The following MTOR variants were observed in gnomAD, a reference collection of about 807,000 sequenced individuals.
The protein encoded by MTOR is mechanistic target of rapamycin kinase.
In MTOR, 70 loss-of-function variants were observed where a neutral mutation model predicts 319.8. The observed-to-expected ratio is 0.22, with a 90% CI of 0.18 to 0.27. The LOEUF (loss-of-function observed/expected upper bound fraction) is 0.27, where lower values mean the gene tolerates loss of function less well. Among genes scored for constraint, MTOR ranks in the 10% least tolerant of loss-of-function variants. MTOR has a pLI of 1.00. For synonymous variants in MTOR, 1,183 were observed against 1,211.4 expected (o/e 0.98, Z 0.49); for missense variants, 1,890 against 3,274.4 (o/e 0.58, Z 10.32).
chr1:11,132,746 C>G (rs1557759018), intron 38 of MTOR: 1 of 219,908 alleles, frequency 4.5e-6, no homozygotes, highest in Non-Finnish European at 9.0e-6. Flanking sequence ...AACAGATGAC[C>G]TAAGGGAAGA....
chr1:11,194,139 T>C (rs183811803), intron 28 of MTOR, among the ~76,000 whole-genome samples: 229 of 152,254 alleles, frequency 1.5e-3, no homozygotes, highest in Non-Finnish European at 2.6e-3. Flanking sequence ...CTGAAAGCAC[T>C]CACTATATCC....
chr1:11,257,566 G>GA lies in MTOR; in HGVS notation c.272-402dup, dbSNP rs70977557. On this transcript the variant is annotated intron_variant, in intron 3 of 57. Transcript: ENST00000361445. ...CGACAGAGTGAGACTCTGTCTCAGA[G>GA]AAAAAAAAAAAAAAAAAAAAAAAAA... Among the ~76,000 whole-genome samples, 100 of 64,832 alleles carry GA rather than the reference G, an allele frequency of 1.5e-3. 1 individual carries two copies. Among genetic ancestry groups the GA allele is most frequent in the African/African-American group, 3.6e-3 (62 of 17,232 alleles). 42.5% of individuals were successfully genotyped at this position (64,832 alleles called of 152,430 possible).
At chr1:11,171,023 C>T (rs1431332912) in intron 28 of MTOR, among the ~76,000 whole-genome samples, 15 of 151,224 alleles carry the variant, frequency 9.9e-5, no homozygotes, top group African/African-American at 3.4e-4. Context: ...AGTGAAACCC[C>T]GTCTCTACTA....
chr1:11,260,906 C>T (rs1651031924), intron 1 of MTOR, among the ~76,000 whole-genome samples: 1 of 151,484 alleles, frequency 6.6e-6, no homozygotes, highest in Non-Finnish European at 1.5e-5. Context: ...TCTCCTGCCT[C>T]AGCTTCCCGA....
chr1:11,163,052 G>A (rs937893841), intron 29 of MTOR, among the ~76,000 whole-genome samples: 2 of 151,982 alleles, frequency 1.3e-5, no homozygotes, highest in Non-Finnish European at 2.9e-5. Context: ...CTCACGTGCA[G>A]ACACACACAT....
chr1:11,249,277 GAGA>G (rs1649273142), intron 6 of MTOR, among the ~76,000 whole-genome samples: 1 of 152,122 alleles, frequency 6.6e-6, no homozygotes, highest in Non-Finnish European at 1.5e-5. Flanking sequence ...ACTCCAAATT[GAGA>G]AGGAGATACA....
chr1:11,175,105 A>C (rs1475569215), intron 28 of MTOR, among the ~76,000 whole-genome samples: 1 of 152,188 alleles, frequency 6.6e-6, no homozygotes, highest in Non-Finnish European at 1.5e-5. Context: ...CTGCCTCCCT[A>C]ACATGGGTGT....
chr1:11,142,237 A>C (rs1643747610), intron 34 of MTOR, among the ~76,000 whole-genome samples: 1 of 150,928 alleles, frequency 6.6e-6, no homozygotes, highest in Non-Finnish European at 1.5e-5. Flanking sequence ...TCAGAAGGCC[A>C]GGCATGGTGG....
At chr1:11,251,489 G>A (rs1649660886) in intron 6 of MTOR, among the ~76,000 whole-genome samples, 1 of 151,880 alleles carries the variant, frequency 6.6e-6, no homozygotes, top group South Asian at 2.1e-4. Context: ...GTTTTTACTT[G>A]TATATTATCT....
At chr1:11,256,634 A>G (rs1650436395) in intron 4 of MTOR, among the ~76,000 whole-genome samples, 1 of 152,142 alleles carries the variant, frequency 6.6e-6, no homozygotes, top group South Asian at 2.1e-4. Flanking sequence ...GGAAGTTGCA[A>G]AGCCAAGACT....
Position 11,247,607 on chromosome 1 carries a change from T to G in MTOR, c.1225+18A>C, listed in dbSNP as rs758950111. 30 of 1,605,686 alleles carry G rather than the reference T, an allele frequency of 1.9e-5. No individual in the cohort carries two copies. In the South Asian group the frequency reaches 3.2e-4, roughly 17 times the overall value. On this transcript the variant is annotated intron_variant, in intron 8 of 57. Transcript: ENST00000361445. ...TTACCCTGAGATGGGTAATGATGTCTTCCATGGACATCCTCACCTGTGAAG... is the reference window on the plus strand; with the variant it reads ...TTACCCTGAGATGGGTAATGATGTCGTCCATGGACATCCTCACCTGTGAAG...
At chr1:11,120,519 G>GA (rs200705080) in intron 49 of MTOR, among the ~76,000 whole-genome samples, 8,021 of 148,680 alleles carry the variant, frequency 0.054, 319 homozygotes, top group South Asian at 0.12. Context: ...GCCTGGGCGG[G>GA]GAAAAAAAAA....
Position 11,128,801 on chromosome 1 carries a change from GAC to G in MTOR, c.5811+52_5811+53del, listed in dbSNP as rs1466283093. On this transcript the variant is annotated intron_variant, in intron 41 of 57. Coordinates refer to ENST00000361445, the MANE Select transcript of MTOR (RefSeq NM_004958.4). The surrounding 1 kb of genome is among the most constrained non-coding windows in gnomAD (Gnocchi z 5.3). ...TGAACACAGCATGCTTGTAAGAGGA[GAC>G]ACACAGAAGAGAGACTTGGAGCCAC... The G allele has an allele frequency of 2.1e-6, 3 of 1,427,728 alleles. No individual in the cohort carries two copies. The highest frequency in any genetic ancestry group is 3.0e-6 in the Non-Finnish European group (3 of 1,016,744). The allele number at this position is 1,427,728 out of a possible 1,614,324, so 88.4% of individuals were successfully genotyped here. A position where few individuals can be genotyped will look rare whatever the true frequency, so the allele number is the denominator to read the frequency against.
At chr1:11,259,513 C>G in intron 1 of MTOR, 90 bp from the exon 2 acceptor site, 1 of 1,387,902 alleles carries the variant, frequency 7.2e-7, no homozygotes, top group Non-Finnish European at 9.6e-7. Context: ...CAGATCTCCC[C>G]CTAGCCCTTG....
intron 28 of MTOR, among the ~76,000 whole-genome samples, chr1:11,182,688 C>T (rs770319655): frequency 4.3e-4 from 66 of 152,230 alleles, no homozygotes; most frequent in Non-Finnish European, 8.2e-4. Flanking sequence ...GTCTGTAAAC[C>T]CTACTCTGAC....
intron 24 of MTOR, among the ~76,000 whole-genome samples, chr1:11,210,322 G>A (rs1646268795): frequency 6.6e-6 from 1 of 152,110 alleles, no homozygotes; most frequent in African/African-American, 2.4e-5. Flanking sequence ...CTAATTTTTT[G>A]TATTTTTTGT....
Position 11,213,447 on chromosome 1 carries a change from C to T in MTOR, c.3237G>A (p.Leu1079=). The change falls in exon 21 of 58, where the codon CTG becomes CTA. Residue 1079 remains leucine, a synonymous_variant. Transcript: ENST00000361445. ...LYLPQLIPHM[L]RVFMHDNSPG... ...GGCTGTTGTCATGCATGAAGACACG[C>T]AGCATGTGTGGGATCAGCTGGGGCA... The T allele has an allele frequency of 6.2e-7, 1 of 1,613,742 alleles. No individual in the cohort carries two copies. Among genetic ancestry groups the T allele is most frequent in the Non-Finnish European group, 8.5e-7 (1 of 1,180,008 alleles).
intron 28 of MTOR, among the ~76,000 whole-genome samples, chr1:11,190,857 AT>A (rs1310584354): frequency 6.6e-6 from 1 of 152,248 alleles, no homozygotes; most frequent in East Asian, 1.9e-4. Flanking sequence ...CAAAGACATG[AT>A]CAGCTTCTAC....
chr1:11,212,875 G>T lies in MTOR; in HGVS notation c.3319C>A (p.Leu1107Met). Reference protein sequence around the residue: ...LAAIQLFGANLDDYLHLLLPP... With the variant: ...LAAIQLFGANMDDYLHLLLPP... ...AGCAGTAAATGCAGGTAGTCATCCA[G>T]GTTGGCGCCAAACAGCTGGATTGCA... Residue 1107 changes from leucine (L) to methionine (M), a missense_variant, in exon 22 of 58, where the codon CTG becomes ATG. Leu to Met is a conservative substitution (Grantham distance 15). This residue lies in a region of MTOR where 377 missense variants were observed against 653.9 expected (regional missense o/e 0.58). Coordinates refer to ENST00000361445, the MANE Select transcript of MTOR (RefSeq NM_004958.4). This position sits in a 1 kb window ranked among gnomAD's most constrained non-coding sequence, Gnocchi z 4.1. The T allele has an allele frequency of 2.5e-6, 4 of 1,614,110 alleles. No individual in the cohort carries two copies. Among genetic ancestry groups the T allele is most frequent in the South Asian group, 1.1e-5 (1 of 91,064 alleles).
Sources: allele counts gnomAD v4.1 joint callset (sites outside exome capture counted in the v4.1 genomes callset), GRCh38; gene constraint gnomAD v4.1.1; regional missense constraint gnomAD v4.1.1; non-coding constraint Gnocchi (gnomAD v3.1); transcripts MANE v1.5; gene names NCBI Gene and HGNC (gene_info 2026-07-23, HGNC 2026-07-21).